The following OCLN variants were observed in gnomAD, a reference collection of about 807,000 sequenced individuals.
The protein encoded by OCLN is phosphatase 1, regulatory subunit 115.
A neutral mutation model predicts 47.9 loss-of-function variants in OCLN; 21 were observed. The observed-to-expected ratio is 0.44, with a 90% CI of 0.31 to 0.63. OCLN has a LOEUF of 0.63. Among genes scored for constraint, OCLN ranks in the 30% least tolerant of loss-of-function variants. OCLN has a pLI of 0.08. For synonymous variants in OCLN, 117 were observed against 198.4 expected, an observed-to-expected ratio of 0.59 and a Z score of 3.45; for missense variants, 360 against 571.0, an observed-to-expected ratio of 0.63 and a Z score of 3.77.
At chr5:69,501,702 C>T (rs1768462935) in intron 1 of OCLN, among the ~76,000 whole-genome samples, 2 of 151,858 alleles carry the variant, frequency 1.3e-5, no homozygotes, top group African/African-American at 4.8e-5. Context: ...ATGATTTGTG[C>T]ACTTTTCTCT....
intron 7 of OCLN, among the ~76,000 whole-genome samples, chr5:69,548,474 C>T (rs1172823328): frequency 3.3e-5 from 5 of 150,438 alleles, no homozygotes; most frequent in South Asian, 2.1e-4. Context: ...CCACCACGCC[C>T]GGCTAATTTT....
chr5:69,515,772 T>G (rs1391123508), intron 4 of OCLN, among the ~76,000 whole-genome samples: 1 of 140,326 alleles, frequency 7.1e-6, no homozygotes, highest in African/African-American at 2.7e-5. Flanking sequence ...GTCTCCTCAC[T>G]TCTCAGACGG....
intron 2 of OCLN, 88 bp from the exon 3 acceptor site, chr5:69,509,053 A>G (rs888504593): frequency 8.9e-7 from 1 of 1,126,852 alleles, no homozygotes; most frequent in African/African-American, 1.5e-5. Context: ...TCATTTACCC[A>G]ATGGTTTAAA....
intron 2 of OCLN, among the ~76,000 whole-genome samples, chr5:69,505,032 C>T (rs1392629711): frequency 1.3e-5 from 2 of 152,124 alleles, no homozygotes; most frequent in Admixed American, 6.6e-5. Flanking sequence ...GGTGGATCAC[C>T]TGAGGTCGGG....
intron 1 of OCLN, among the ~76,000 whole-genome samples, chr5:69,500,794 C>T (rs1225943749): frequency 1.3e-5 from 2 of 152,186 alleles, no homozygotes; most frequent in Non-Finnish European, 2.9e-5. Context: ...TTTTTGACAA[C>T]TTAAGACTGA....
At chr5:69,515,529 G>A (rs1475002523) in intron 4 of OCLN, among the ~76,000 whole-genome samples, 5 of 70,684 alleles carry the variant, frequency 7.1e-5, no homozygotes, top group Admixed American at 1.5e-4. Flanking sequence ...CTGGCCGGGC[G>A]GGGGGCTGAC....
At chr5:69,528,334 T>C (rs1769338503) in intron 4 of OCLN, among the ~76,000 whole-genome samples, 2 of 152,162 alleles carry the variant, frequency 1.3e-5, no homozygotes, top group African/African-American at 4.8e-5. Flanking sequence ...ATATCTCCAC[T>C]TTAATCACCA....
intron 4 of OCLN, among the ~76,000 whole-genome samples, chr5:69,532,999 A>ATGTGTGTGTGTGTG (rs373564373): frequency 3.8e-4 from 52 of 137,618 alleles, no homozygotes; most frequent in Middle Eastern, 3.8e-3. Context: ...GTATGCATGT[A>ATGTGTGTGTGTGTG]TGTGTGTGTG....
At chr5:69,529,384 G>A (rs1309713658) in intron 4 of OCLN, among the ~76,000 whole-genome samples, 3 of 152,152 alleles carry the variant, frequency 2.0e-5, no homozygotes, top group Non-Finnish European at 4.4e-5. Context: ...GTACAATTAA[G>A]CTTTGAATAA....
intron 3 of OCLN, among the ~76,000 whole-genome samples, chr5:69,511,977 T>A (rs1768800067): frequency 6.6e-6 from 1 of 151,006 alleles, no homozygotes; most frequent in Admixed American, 6.6e-5. Flanking sequence ...GAGCTGAAAT[T>A]GTGCCACTGC....
At chr5:69,524,921 A>G (rs1219000176) in intron 4 of OCLN, among the ~76,000 whole-genome samples, 1 of 152,068 alleles carries the variant, frequency 6.6e-6, no homozygotes, top group Non-Finnish European at 1.5e-5. Context: ...TCCTGACCTC[A>G]AGTGATCCAC....
chr5:69,496,210 T>C (rs537955806), intron 1 of OCLN, among the ~76,000 whole-genome samples: 136 of 152,152 alleles, frequency 8.9e-4, no homozygotes, highest in Non-Finnish European at 1.7e-3. Context: ...ACCATTCTCC[T>C]GCCTCGGCCT....
At chr5:69,533,952 G>A (rs1440039040) in intron 4 of OCLN, among the ~76,000 whole-genome samples, 1 of 152,174 alleles carries the variant, frequency 6.6e-6, no homozygotes, top group Non-Finnish European at 1.5e-5. Flanking sequence ...GAGCCACCGC[G>A]CCCGGCCTAT....
At chr5:69,533,225 G>T (rs1234449887) in intron 4 of OCLN, among the ~76,000 whole-genome samples, 1 of 151,904 alleles carries the variant, frequency 6.6e-6, no homozygotes, top group Admixed American at 6.6e-5. Context: ...AGCCTTCCAT[G>T]TTAATATTGA....
At chr5:69,520,404 G>A (rs1477677415) in intron 4 of OCLN, among the ~76,000 whole-genome samples, 1 of 151,450 alleles carries the variant, frequency 6.6e-6, no homozygotes, top group Admixed American at 6.6e-5. Context: ...GGGTTCAAGC[G>A]ATTCTCCTGC....
At chr5:69,507,056 G>C (rs1283811322) in intron 2 of OCLN, among the ~76,000 whole-genome samples, 2 of 152,194 alleles carry the variant, frequency 1.3e-5, no homozygotes, top group African/African-American at 4.8e-5. Flanking sequence ...GGAGACCACT[G>C]TCCTGACGTA....
intron 3 of OCLN, among the ~76,000 whole-genome samples, chr5:69,513,283 A>AG (rs200133162): frequency 0.01 from 1,578 of 152,312 alleles, 16 homozygotes; most frequent in Non-Finnish European, 0.014. Context: ...AGAACTGTTA[A>AG]GAGTAGGAAG....
intron 2 of OCLN, among the ~76,000 whole-genome samples, chr5:69,507,622 T>A (rs1036491281): frequency 6.6e-6 from 1 of 152,102 alleles, no homozygotes; most frequent in African/African-American, 2.4e-5. Flanking sequence ...TTTTTTTTTT[T>A]AAGACAGAGT....
At chr5:69,515,824 G>A (rs1283649318) in intron 4 of OCLN, among the ~76,000 whole-genome samples, 10 of 151,296 alleles carry the variant, frequency 6.6e-5, no homozygotes, top group African/African-American at 2.4e-4. Flanking sequence ...AGACGGGGTC[G>A]CGGCTGGGTA....
Sources: gnomAD v4.1 joint callset for allele counts (sites outside exome capture counted in the v4.1 genomes callset) on GRCh38, gnomAD v4.1.1 for gene constraint, MANE v1.5 for transcripts, NCBI Gene and HGNC (gene_info 2026-07-23, HGNC 2026-07-21) for gene names.